The following TTC34 variants were observed in gnomAD, a reference collection of about 807,000 sequenced individuals.
TTC34 encodes the protein tetratricopeptide repeat protein 34.
A neutral mutation model predicts 40.7 loss-of-function variants in TTC34; 44 were observed. The observed-to-expected ratio is 1.08, with a 90% confidence interval of 0.85 to 1.39. The LOEUF is 1.39. TTC34 is among the 40% of genes most tolerant of loss of function. The pLI is 0.00. For missense variants in TTC34, 884 were observed against 838.0 expected (o/e 1.05, Z -0.68); for synonymous variants, 422 against 398.6 (o/e 1.06, Z -0.70).
chr1:2,747,932 T>G (rs1427620931), intron 6 of TTC34, among the ~76,000 whole-genome samples: 1 of 75,766 alleles, frequency 1.3e-5, no homozygotes, highest in Non-Finnish European at 2.3e-5. Context: ...AAGGTGAGCA[T>G]CTGACATCGT....
chr1:2,687,351 G>A (rs1640410489), intron 6 of TTC34, among the ~76,000 whole-genome samples: 1 of 139,310 alleles, frequency 7.2e-6, no homozygotes, highest in Non-Finnish European at 1.5e-5. Flanking sequence ...CGACAGCCTG[G>A]AGCAGCACCC....
chr1:2,755,772 C>A (rs1427848180), intron 6 of TTC34, among the ~76,000 whole-genome samples: 10 of 122,002 alleles, frequency 8.2e-5, no homozygotes, highest in African/African-American at 3.6e-4. Flanking sequence ...CAGCCTGGAA[C>A]GGCACCCACA....
At chr1:2,748,762 C>A (rs1378282764) in intron 6 of TTC34, among the ~76,000 whole-genome samples, 1 of 136,262 alleles carries the variant, frequency 7.3e-6, no homozygotes, top group Non-Finnish European at 1.5e-5. Flanking sequence ...CACCCACACC[C>A]CTAGGAGAGC....
chr1:2,787,100 C>G (rs1330379677), intron 4 of TTC34, among the ~76,000 whole-genome samples: 1 of 152,172 alleles, frequency 6.6e-6, no homozygotes, highest in Non-Finnish European at 1.5e-5. Flanking sequence ...GCTACCCACC[C>G]CAAGGCAGGG....
chr1:2,699,535 C>T (rs1569654296), intron 6 of TTC34, among the ~76,000 whole-genome samples: 2 of 146,596 alleles, frequency 1.4e-5, no homozygotes, highest in African/African-American at 4.9e-5. Flanking sequence ...CACCCACATC[C>T]CCAGGTGAGC....
At chr1:2,688,613 C>T (rs1488242945) in intron 6 of TTC34, among the ~76,000 whole-genome samples, 1 of 139,422 alleles carries the variant, frequency 7.2e-6, no homozygotes, top group Non-Finnish European at 1.5e-5. Context: ...ACCCACACCC[C>T]CAGGTGCGCA....
At chr1:2,786,047 C>T (rs1447319338) in intron 4 of TTC34, 24 bp from the exon 5 acceptor site, 3 of 1,443,948 alleles carry the variant, frequency 2.1e-6, no homozygotes, top group South Asian at 1.4e-5. Context: ...ACAGTCACTG[C>T]CCATGCCCTT....
chr1:2,692,424 C>A (rs376608465), intron 6 of TTC34, among the ~76,000 whole-genome samples: 6 of 112,720 alleles, frequency 5.3e-5, no homozygotes, highest in East Asian at 2.3e-4. Flanking sequence ...GCACCCACAC[C>A]CCCAGGTGAG....
At chr1:2,800,482 C>G (rs1403916814) in exon 2 of TTC34, 1 of 398,582 alleles carries the variant, frequency 2.5e-6, no homozygotes. Context: ...TCGTGACGCC[C>G]GCGGGCCAGC....
In TTC34 at chr1:2,645,596, T is replaced by G. The variant is rs989460504; in HGVS notation, c.2227-33A>C. 2.8e-6 allele frequency: 4 copies of G among 1,443,406 alleles called. No homozygotes were observed. Among genetic ancestry groups the G allele is most frequent in the Non-Finnish European group, 3.6e-6 (4 of 1,101,274 alleles). 89.4% of individuals were successfully genotyped at this position (1,443,406 alleles called of 1,614,324 possible). On this transcript the variant is annotated intron_variant, in intron 6 of 8. Coordinates refer to ENST00000401095, the Ensembl canonical transcript of TTC34. The surrounding 1 kb of genome is among the most constrained non-coding windows in gnomAD (Gnocchi z 4.7). The stretch of plus-strand genomic sequence containing the variant: ...GAGGGAGGGCGGGCGGGTGCAGAGT[T>G]GTCCTAAGTAGAGAAACTGGGCAGA...
At chr1:2,800,656 C>T (rs1643761685) in exon 2 of TTC34, 2 of 398,494 alleles carry the variant, frequency 5.0e-6, no homozygotes, top group Admixed American at 8.8e-5. Flanking sequence ...GTGGCCACCA[C>T]CGCCGCCCCC....
At chr1:2,759,672 C>T (rs1641628097) in intron 6 of TTC34, among the ~76,000 whole-genome samples, 1 of 149,602 alleles carries the variant, frequency 6.7e-6, no homozygotes, top group Non-Finnish European at 1.5e-5. Context: ...TGGAGCAGCA[C>T]CAACAACCCC....
intron 6 of TTC34, among the ~76,000 whole-genome samples, chr1:2,690,156 ACAT>A (rs1305516427): frequency 6.7e-6 from 1 of 148,788 alleles, no homozygotes; most frequent in East Asian, 2.0e-4. Context: ...TGAGCATCTG[ACAT>A]CGTGGAGCAG....
chr1:2,652,448 C>A (rs113900761), intron 6 of TTC34, among the ~76,000 whole-genome samples: 18 of 76,924 alleles, frequency 2.3e-4, no homozygotes, highest in East Asian at 9.9e-4. Flanking sequence ...CCCACACCCC[C>A]AGGTGAGCAT....
chr1:2,751,670 C>A (rs1368059713), intron 6 of TTC34, among the ~76,000 whole-genome samples: 5 of 81,172 alleles, frequency 6.2e-5, no homozygotes, highest in Admixed American at 1.2e-4. Flanking sequence ...ATTGGACAGC[C>A]TGGATCAGCA....
chr1:2,698,974 C>T (rs1407742306), intron 6 of TTC34, among the ~76,000 whole-genome samples: 7 of 141,124 alleles, frequency 5.0e-5, no homozygotes, highest in Non-Finnish European at 1.1e-4. Flanking sequence ...CCTGCCCCCC[C>T]AGGTGAGCAT....
At chr1:2,771,510 A>G (rs1642135497) in intron 6 of TTC34, among the ~76,000 whole-genome samples, 9 of 78,226 alleles carry the variant, frequency 1.2e-4, no homozygotes, top group Middle Eastern at 5.6e-3. Flanking sequence ...GACAGCCTGG[A>G]GTAGCACGCA....
At chr1:2,789,482 C>G (rs960058876) in intron 3 of TTC34, 21 bp downstream of exon 3, 1 of 1,504,076 alleles carries the variant, frequency 6.6e-7, no homozygotes, top group African/African-American at 1.4e-5. Flanking sequence ...GCGGCCCCAG[C>G]GTGCCCGGGC....
At chr1:2,675,094 T>C (rs1639851018) in intron 6 of TTC34, among the ~76,000 whole-genome samples, 2 of 122,642 alleles carry the variant, frequency 1.6e-5, no homozygotes, top group Admixed American at 8.3e-5. Context: ...CAGGCGAGCA[T>C]CTGACAGCCT....
Sources: gnomAD v4.1 joint callset for allele counts (sites outside exome capture counted in the v4.1 genomes callset) on GRCh38, gnomAD v4.1.1 for gene constraint, Gnocchi (gnomAD v3.1) non-coding constraint, MANE v1.5 for transcripts, NCBI Gene and HGNC (gene_info 2026-07-23, HGNC 2026-07-21) for gene names.